The following TRIO variants were observed in gnomAD, a reference collection of about 807,000 sequenced individuals.
TRIO encodes the protein trio Rho guanine nucleotide exchange factor.
In TRIO, 58 loss-of-function variants were observed where a neutral mutation model predicts 351.9. That is an observed-to-expected ratio of 0.16 (90% CI 0.13 to 0.21). The LOEUF (loss-of-function observed/expected upper bound fraction) is 0.21. Ranked by LOEUF, TRIO falls within the 10% of genes least tolerant of loss-of-function variation. The probability of loss-of-function intolerance (pLI) is 1.00; values close to 1 mark genes in which losing one functional copy is unlikely to be tolerated. For synonymous variants in TRIO, 1,758 were observed against 1,595.7 expected (o/e 1.10, Z -2.42); for missense variants, 3,201 against 4,027.8 (o/e 0.79, Z 5.56).
chr5:14,291,069 C>T lies in TRIO; in HGVS notation c.894C>T (p.Gly298=). 2 of 1,614,176 alleles carry T rather than the reference C, an allele frequency of 1.2e-6. No individual in the cohort carries two copies. The highest frequency in any genetic ancestry group is 1.7e-6 in the Non-Finnish European group (2 of 1,180,022). Residue 298 remains glycine (G), a synonymous_variant, in exon 5 of 57, where the codon GGC becomes GGT. Transcript: ENST00000344204. The part of the protein sequence containing the change: ...SSESFPKKNS[G]SGNADLQNLL... ...AAAGCTTTCCCAAAAAGAACTCAGG[C>T]TCAGGCAATGCGGACCTGCAGAACC... is the stretch of plus-strand genomic sequence containing the variant.
At chr5:14,409,606 G>C (rs914469079) in intron 33 of TRIO, among the ~76,000 whole-genome samples, 7 of 152,002 alleles carry the variant, frequency 4.6e-5, no homozygotes, top group Admixed American at 3.3e-4. Context: ...AGGCCAAGGC[G>C]GGCAGATCAC....
rs201952619 is a variant in TRIO at position 14,485,284 on chromosome 5, C to T, written c.6835+38C>T. 2,506 of 1,531,540 alleles carry T rather than the reference C, an allele frequency of 1.6e-3. 4 individuals are homozygous for T. The highest frequency in any genetic ancestry group is 4.5e-3 in the Middle Eastern group (26 of 5,718). The allele number at this position is 1,531,540 out of a possible 1,614,324, so 94.9% of individuals were successfully genotyped here. On this transcript the variant is annotated intron_variant, in intron 47 of 56. Coordinates refer to ENST00000344204, the MANE Select transcript of TRIO (RefSeq NM_007118.4). Reference sequence around the variant, plus strand: ...CTGTTACTAGATGTGTGCTTTCTTTCCTCGTGTACTCACTTGTATTTATCT... The same window carrying T: ...CTGTTACTAGATGTGTGCTTTCTTTTCTCGTGTACTCACTTGTATTTATCT...
At chr5:14,406,815 T>C in intron 33 of TRIO, 143 bp downstream of exon 33, 1 of 762,322 alleles carries the variant, frequency 1.3e-6, no homozygotes. Context: ...CAGGATCCCG[T>C]GGTGGGGCAG....
At chr5:14,202,293 GATTTTTTTTTTTTTTTTT>G (rs1791175498) in intron 1 of TRIO, among the ~76,000 whole-genome samples, 1 of 34,350 alleles carries the variant, frequency 2.9e-5, no homozygotes, top group African/African-American at 1.0e-4. Context: ...ATATTTTTGT[GATTTTTTTTTTTTTTTTT>G]TTTTTTTTTT....
chr5:14,429,636 A>G (rs1750929259), intron 34 of TRIO, among the ~76,000 whole-genome samples: 1 of 152,190 alleles, frequency 6.6e-6, no homozygotes, highest in Non-Finnish European at 1.5e-5. Context: ...ACTTTTTTCT[A>G]AATAAGAGAA....
chr5:14,238,366 G>A (rs1248464871), intron 1 of TRIO, among the ~76,000 whole-genome samples: 1 of 152,144 alleles, frequency 6.6e-6, no homozygotes, highest in Non-Finnish European at 1.5e-5. Context: ...TCAGTGCTAG[G>A]GTTTTTTCCC....
Position 14,411,453 on chromosome 5 carries a change from G to A in TRIO, c.4959+4781G>A, listed in dbSNP as rs1749193802. Among the ~76,000 whole-genome samples the A allele has an allele frequency of 3.3e-5, 5 of 152,228 alleles. No homozygotes were observed. The South Asian group carries it at 1.0e-3, about 32-fold the overall frequency. Reference sequence around the variant, plus strand: ...CGGCCCGAGCCAGCAGGGCCCAGGTGTGAGCTGTCTTTCGAATCTTAAGCC... The same window carrying A: ...CGGCCCGAGCCAGCAGGGCCCAGGTATGAGCTGTCTTTCGAATCTTAAGCC... On this transcript the variant is annotated intron_variant, in intron 33 of 56. Transcript: ENST00000344204.
intron 5 of TRIO, 58 bp from the exon 6 acceptor site, chr5:14,292,954 T>C (rs2152286618): frequency 6.2e-7 from 1 of 1,610,816 alleles, no homozygotes; most frequent in Non-Finnish European, 8.5e-7. Context: ...ATCTGTGGGC[T>C]TGTGTCAGTA....
chr5:14,470,361 G>C (rs753045397), intron 37 of TRIO, among the ~76,000 whole-genome samples: 1 of 152,108 alleles, frequency 6.6e-6, no homozygotes, highest in Admixed American at 6.5e-5. Flanking sequence ...TTTGCATTTT[G>C]TATTGTGCTG....
chr5:14,157,961 ATATAT>A (rs1318653081), intron 1 of TRIO, among the ~76,000 whole-genome samples: 1 of 152,104 alleles, frequency 6.6e-6, no homozygotes, highest in Non-Finnish European at 1.5e-5. Context: ...TCTCAGTTTC[ATATAT>A]TATGTTCTGT....
chr5:14,480,583 T>G (rs1755438010), intron 43 of TRIO, among the ~76,000 whole-genome samples: 1 of 152,118 alleles, frequency 6.6e-6, no homozygotes, highest in South Asian at 2.1e-4. Context: ...GAAGGCAGAG[T>G]CACGTGTTTT....
chr5:14,461,029 C>A lies in TRIO; in HGVS notation c.5214C>A (p.Ser1738=). Residue 1738 remains serine (S), a synonymous_variant, in exon 35 of 57, where the codon TCC becomes TCA. Transcript: ENST00000344204. ...EGIFNHKDSL[S]VSSNDASPPA... ...CTTTCTCCCTGGCAGACTCGCTCTC[C>A]GTCTCCAGCAATGACGCCAGTCCAC... 1 of 1,571,210 alleles carries A rather than the reference C, an allele frequency of 6.4e-7. No individual in the cohort carries two copies. Among genetic ancestry groups the A allele is most frequent in the Non-Finnish European group, 8.6e-7 (1 of 1,156,196 alleles).
rs1787294656 is a variant in TRIO, at chr5:14,143,483, C to T, written c.-243C>T. Among the ~76,000 whole-genome samples the T allele has an allele frequency of 6.7e-6, 1 of 148,314 alleles. No individual in the cohort carries two copies. The highest frequency in any genetic ancestry group is 2.4e-5 in the African/African-American group (1 of 40,974). On this transcript the variant is annotated 5_prime_UTR_variant, in exon 1 of 57. Coordinates refer to ENST00000344204, the MANE Select transcript of TRIO (RefSeq NM_007118.4). ...GCGCTCCGGCCGGCGCCCGGGAGGCCGTGGCTCCGCGCCTCCGCCCCTCGG... is the reference window on the plus strand; with the variant it reads ...GCGCTCCGGCCGGCGCCCGGGAGGCTGTGGCTCCGCGCCTCCGCCCCTCGG...
Position 14,158,551 on chromosome 5 carries a change from G to T in TRIO, c.157+14669G>T, listed in dbSNP as rs111721535. 5.3e-5 allele frequency among the ~76,000 whole-genome samples: 8 copies of T among 152,322 alleles called. 1 individual carries two copies. The highest frequency in any genetic ancestry group is 1.9e-4 in the African/African-American group (8 of 41,580). On this transcript the variant is annotated intron_variant, in intron 1 of 56. Transcript: ENST00000344204. ...TGTTTTGGAATTAGATAGTGATGAG[G>T]CTGGAAACGGTGATTTCTGCCTGTA...
At chr5:14,361,907 C>T (rs1744184146) in intron 13 of TRIO, among the ~76,000 whole-genome samples, 1 of 152,190 alleles carries the variant, frequency 6.6e-6, no homozygotes, top group South Asian at 2.1e-4. Context: ...CACCTGAGGT[C>T]AGGAGTTCGA....
intron 34 of TRIO, among the ~76,000 whole-genome samples, chr5:14,430,275 A>G (rs1750990267): frequency 6.6e-6 from 1 of 151,278 alleles, no homozygotes; most frequent in Non-Finnish European, 1.5e-5. Context: ...CCATTCATAT[A>G]AATTATATCT....
At chr5:14,456,784 G>C (rs1753345602) in intron 34 of TRIO, among the ~76,000 whole-genome samples, 1 of 152,224 alleles carries the variant, frequency 6.6e-6, no homozygotes, top group African/African-American at 2.4e-5. Flanking sequence ...ATTAGGACAT[G>C]GGATTTAATT....
At chr5:14,197,047 C>T (rs1049281418) in intron 1 of TRIO, among the ~76,000 whole-genome samples, 1 of 152,094 alleles carries the variant, frequency 6.6e-6, no homozygotes. Context: ...TAAAAAACAT[C>T]GTTGGATTGG....
rs574970411 is a variant in TRIO, at chr5:14,184,162, C to T, written c.157+40280C>T. ...AAAATCCAACCGGCTAGTAACGAAA[C>T]GCCTTGCAGAAATCATCCTGTGGGG... On this transcript the variant is annotated intron_variant, in intron 1 of 56. Transcript: ENST00000344204. 2.6e-5 allele frequency among the ~76,000 whole-genome samples: 4 copies of T among 152,294 alleles called. No individual in the cohort carries two copies. In the East Asian group the frequency reaches 7.7e-4, roughly 29 times the overall value.
Sources: gnomAD v4.1 joint callset for allele counts (sites outside exome capture counted in the v4.1 genomes callset) on GRCh38, gnomAD v4.1.1 for gene constraint, MANE v1.5 for transcripts, NCBI Gene and HGNC (gene_info 2026-07-23, HGNC 2026-07-21) for gene names.